Variants in SCN7A observed in about 807,000 individuals in gnomAD.
SCN7A encodes the protein sodium channel protein type 7 subunit alpha.
In SCN7A, 138 loss-of-function variants were observed where a neutral mutation model predicts 155.2. That is an observed-to-expected ratio of 0.89 (90% confidence interval 0.77 to 1.02). SCN7A has a LOEUF of 1.02. SCN7A is among the 50% of genes least tolerant of loss of function. SCN7A has a pLI of 0.00. For synonymous variants in SCN7A, 693 were observed against 649.0 expected (o/e 1.07, Z -1.03); for missense variants, 2,058 against 1,986.6 (o/e 1.04, Z -0.68).
intron 15 of SCN7A, among the ~76,000 whole-genome samples, chr2:166,439,702 G>A (rs1007472435): frequency 1.4e-4 from 22 of 152,116 alleles, no homozygotes; most frequent in Non-Finnish European, 1.8e-4. Flanking sequence ...AACTACAAAG[G>A]GCAGAAGATA....
chr2:166,466,875 T>C (rs1468110277), intron 7 of SCN7A, among the ~76,000 whole-genome samples: 1 of 152,008 alleles, frequency 6.6e-6, no homozygotes, highest in Admixed American at 6.6e-5. Flanking sequence ...TATCTTATTG[T>C]GAGAATTGAA....
At chr2:166,478,155 T>G (rs1702842638) in intron 2 of SCN7A, among the ~76,000 whole-genome samples, 1 of 151,840 alleles carries the variant, frequency 6.6e-6, no homozygotes, top group Admixed American at 6.6e-5. Context: ...CTGATTACTT[T>G]TTTCAAATCA....
At position 166,432,708 on chromosome 2, in the gene SCN7A, G is replaced by C; in HGVS notation, c.2202C>G (p.Cys734Trp). 2 of 1,582,272 alleles carry C rather than the reference G, an allele frequency of 1.3e-6. No homozygotes were observed. The highest frequency in any genetic ancestry group is 1.7e-4 in the Middle Eastern group (1 of 5,862). ...FLALVSSFSS[C>W]KDVTAEENNE... Reference sequence around the variant, plus strand: ...TATTCTCTTCAGCTGTTACATCCTTGCATGAACTAAATGAGCTCACCAATG... The same window carrying C: ...TATTCTCTTCAGCTGTTACATCCTTCCATGAACTAAATGAGCTCACCAATG... Residue 734 changes from cysteine to tryptophan, a missense_variant, in exon 16 of 26, where the codon TGC becomes TGG. Physicochemically the swap from Cys to Trp is radical, Grantham distance 215 (BLOSUM62 -2). Coordinates refer to ENST00000643258, the MANE Select transcript of SCN7A (RefSeq NM_002976.4).
chr2:166,406,769 C>A, intron 25 of SCN7A, 123 bp from the exon 26 acceptor site: 2 of 705,666 alleles, frequency 2.8e-6, no homozygotes, highest in Non-Finnish European at 4.6e-6. Context: ...TGATCCCTTC[C>A]ATTTTACTAA....
chr2:166,420,583 C>T (rs575346205), intron 20 of SCN7A, among the ~76,000 whole-genome samples: 3 of 151,806 alleles, frequency 2.0e-5, no homozygotes, highest in Non-Finnish European at 2.9e-5. Flanking sequence ...GATTGAACAC[C>T]GGCCTTTTAT....
chr2:166,432,615 T>G lies in SCN7A; in HGVS notation c.2295A>C (p.Lys765Asn). 1 of 1,612,798 alleles carries G rather than the reference T, an allele frequency of 6.2e-7. No homozygotes were observed. Among genetic ancestry groups the G allele is most frequent in the Non-Finnish European group, 8.5e-7 (1 of 1,179,480 alleles). ...GGACATTTTGTGTTTTGCATAGTATTTTAAGAAGCACATAGTTTATTCCTT... is the reference window on the plus strand; with the variant it reads ...GGACATTTTGTGTTTTGCATAGTATGTTAAGAAGCACATAGTTTATTCCTT... ...IKKGINYVLLKILCKTQNVPK... is the reference protein window; with the variant it reads ...IKKGINYVLLNILCKTQNVPK... Residue 765 changes from lysine to asparagine, a missense_variant, in exon 16 of 26, where the codon AAA (lysine) becomes AAC (asparagine). Transcript: ENST00000643258.
At chr2:166,452,016 A>G (rs1341141261) in intron 11 of SCN7A, among the ~76,000 whole-genome samples, 1 of 152,160 alleles carries the variant, frequency 6.6e-6, no homozygotes, top group Non-Finnish European at 1.5e-5. Context: ...AATTAGCAAA[A>G]TTAGTAATTC....
rs1171184376 is a variant in SCN7A, at chr2:166,432,732, T to C, written c.2178A>G (p.Ala726=). Residue 726 remains alanine (A), a synonymous_variant, in exon 16 of 26, where the codon GCA becomes GCG. Coordinates refer to ENST00000643258, the MANE Select transcript of SCN7A (RefSeq NM_002976.4). ...TGCATGAACTAAATGAGCTCACCAA[T>C]GCCAGAAACAGGTAAAGTACCTAAA... is the stretch of plus-strand genomic sequence containing the variant. ...GNLLVLYLFL[A]LVSSFSSCKD... 5 of 1,545,796 alleles carry C rather than the reference T, an allele frequency of 3.2e-6. No individual in the cohort carries two copies. The highest frequency in any genetic ancestry group is 1.8e-4 in the Middle Eastern group (1 of 5,704).
chr2:166,423,551 T>C, intron 18 of SCN7A, 119 bp from the exon 19 acceptor site: 5 of 1,136,512 alleles, frequency 4.4e-6, no homozygotes, highest in Non-Finnish European at 4.7e-6. Flanking sequence ...CTGTCAGAGA[T>C]TGTAGGCTCC....
intron 7 of SCN7A, among the ~76,000 whole-genome samples, chr2:166,469,556 GA>G (rs972211729): frequency 6.6e-6 from 1 of 151,062 alleles, no homozygotes; most frequent in Non-Finnish European, 1.5e-5. Context: ...ATTCTCCCTT[GA>G]AAAAAAGAGT....
At chr2:166,440,279 T>C (rs1445452872) in intron 15 of SCN7A, among the ~76,000 whole-genome samples, 2 of 152,210 alleles carry the variant, frequency 1.3e-5, no homozygotes, top group South Asian at 2.1e-4. Flanking sequence ...AGCATATTTT[T>C]ATTAATTCCC....
rs773280219 is a variant in SCN7A at position 166,405,593 on chromosome 2, T to G, written c.5036A>C (p.Gln1679Pro). ...FDKAKEKSPI[Q>P]SQI is the part of the protein sequence containing the mutation. ...TGGTAAGTGGTATTAGATCTGGCTT[T>G]GAATAGGTGACTTTTCCTTAGCTTT... The change falls in exon 26 of 26, where the codon CAA (glutamine) becomes CCA (proline). Residue 1679 changes from glutamine to proline, a missense_variant. Gln to Pro is a moderately conservative substitution (Grantham distance 76). Coordinates refer to ENST00000643258, the MANE Select transcript of SCN7A (RefSeq NM_002976.4). The G allele has an allele frequency of 6.3e-7, 1 of 1,584,772 alleles. No homozygotes were observed. Among genetic ancestry groups the G allele is most frequent in the Non-Finnish European group, 8.6e-7 (1 of 1,167,082 alleles).
chr2:166,409,921 T>C lies in SCN7A; in HGVS notation c.3726A>G (p.Gly1242=). The C allele has an allele frequency of 6.4e-7, 1 of 1,565,188 alleles. No homozygotes were observed. The highest frequency in any genetic ancestry group is 1.4e-5 in the African/African-American group (1 of 73,702). Reference sequence around the variant, plus strand: ...GGCTTGTTACCACATCAAAGATGAATCCTTGGAGCTTGTTCTGTGGGTAAA... The same window carrying C: ...GGCTTGTTACCACATCAAAGATGAACCCTTGGAGCTTGTTCTGTGGGTAAA... ...PVPRPLNKLQ[G]FIFDVVTSQA... The change falls in exon 25 of 26, where the codon GGA becomes GGG. Residue 1242 remains glycine (G), a synonymous_variant. Coordinates refer to ENST00000643258, the MANE Select transcript of SCN7A (RefSeq NM_002976.4).
In SCN7A at chr2:166,432,334, T is replaced by C; in HGVS notation, c.2576A>G (p.Asp859Gly). ...DNKEIQSKSGDGGSKEKIKQS... is the reference protein window; with the variant it reads ...DNKEIQSKSGGGGSKEKIKQS... ...ACATCTTACCTCTTTGCTGCCTCCA[T>C]CACCAGACTTACTCTGAATCTCCTT... The change falls in exon 16 of 26, where the codon GAT becomes GGT. Residue 859 changes from aspartate to glycine, a missense_variant. Asp to Gly is a moderately conservative substitution (Grantham distance 94). Transcript: ENST00000643258. The C allele has an allele frequency of 3.1e-6, 5 of 1,608,498 alleles. No homozygotes were observed. The highest frequency in any genetic ancestry group is 4.2e-6 in the Non-Finnish European group (5 of 1,177,642).
In SCN7A at chr2:166,473,835, G is replaced by A. The variant is rs755244690; in HGVS notation, c.407C>T (p.Ser136Phe). Reference sequence around the variant, plus strand: ...TCTCCATTTTGGCAAATTAGTCAGGGACATGAATACGCAATCAATCAGGAC... The same window carrying A: ...TCTCCATTTTGGCAAATTAGTCAGGAACATGAATACGCAATCAATCAGGAC... ...ISVLIDCVFMSLTNLPKWRPV... is the reference protein window; with the variant it reads ...ISVLIDCVFMFLTNLPKWRPV... The change falls in exon 5 of 26, where the codon TCC becomes TTC. Residue 136 changes from serine to phenylalanine, a missense_variant. Coordinates refer to ENST00000643258, the MANE Select transcript of SCN7A (RefSeq NM_002976.4). 3 of 1,558,822 alleles carry A rather than the reference G, an allele frequency of 1.9e-6. No individual in the cohort carries two copies. Among genetic ancestry groups the A allele is most frequent in the Admixed American group, 1.8e-5 (1 of 56,252 alleles).
rs1174244904 is a variant in SCN7A at position 166,428,055 on chromosome 2, G to T, written c.2699-113C>A. On this transcript the variant is annotated intron_variant, in intron 17 of 25. Transcript: ENST00000643258. ...TTATTTATTTACAAATTCTAATCCA[G>T]GTTGTCTCTGATTTATAAACATTTA... 6.5e-6 allele frequency: 7 copies of T among 1,072,882 alleles called. No homozygotes were observed. In the Admixed American group the frequency reaches 7.4e-5, roughly 11 times the overall value. The allele number at this position is 1,072,882 out of a possible 1,614,324, so 66.5% of individuals were successfully genotyped here.
chr2:166,488,587 T>C (rs1288095809), intron 1 of SCN7A, among the ~76,000 whole-genome samples: 1 of 152,012 alleles, frequency 6.6e-6, no homozygotes, highest in Non-Finnish European at 1.5e-5. Context: ...CAGGTGAGAA[T>C]ATAACTTAGT....
intron 10 of SCN7A, among the ~76,000 whole-genome samples, chr2:166,460,674 T>G (rs1702383818): frequency 6.6e-6 from 1 of 152,064 alleles, no homozygotes; most frequent in Non-Finnish European, 1.5e-5. Flanking sequence ...GGAGGAAACT[T>G]AAATTTAGGG....
In SCN7A at chr2:166,405,811, G is replaced by T; in HGVS notation, c.4818C>A (p.Ala1606=). The T allele has an allele frequency of 6.2e-7, 1 of 1,612,914 alleles. No homozygotes were observed. The highest frequency in any genetic ancestry group is 2.2e-5 in the East Asian group (1 of 44,836). ...VSEIESGFLL[A]NPFKITCEPI... is the part of the protein sequence containing the mutation. Reference sequence around the variant, plus strand: ...GCTCACATGTGATCTTAAAAGGGTTGGCTAACAAAAACCCTGATTCTATTT... The same window carrying T: ...GCTCACATGTGATCTTAAAAGGGTTTGCTAACAAAAACCCTGATTCTATTT... Residue 1606 remains alanine, a synonymous_variant, in exon 26 of 26, where the codon GCC becomes GCA. Coordinates refer to ENST00000643258, the MANE Select transcript of SCN7A (RefSeq NM_002976.4).
Sources: allele counts gnomAD v4.1 joint callset (sites outside exome capture counted in the v4.1 genomes callset), GRCh38; gene constraint gnomAD v4.1.1; transcripts MANE v1.5; gene names NCBI Gene and HGNC (gene_info 2026-07-23, HGNC 2026-07-21).